The following ZNF750 variants were observed in gnomAD, a reference collection of about 807,000 sequenced individuals.
The protein encoded by ZNF750 is zinc finger protein 750.
In ZNF750, 10 loss-of-function variants were observed where a neutral mutation model predicts 31.6. That is an observed-to-expected ratio of 0.32 (90% confidence interval 0.19 to 0.54). The LOEUF (loss-of-function observed/expected upper bound fraction) is 0.54. ZNF750 is among the 20% of genes least tolerant of loss of function. The pLI is 0.95. For synonymous variants in ZNF750, 400 were observed against 404.9 expected, an observed-to-expected ratio of 0.99 and a Z score of 0.15; for missense variants, 914 against 934.9, an observed-to-expected ratio of 0.98 and a Z score of 0.29.
chr17:82,836,093 A>G (rs1021694433), intron 1 of ZNF750, among the ~76,000 whole-genome samples: 2 of 152,246 alleles, frequency 1.3e-5, no homozygotes, highest in Non-Finnish European at 2.9e-5. Flanking sequence ...TCCCCCTATT[A>G]GAAGAAAGAA....
chr17:82,831,587 G>A lies in ZNF750; in HGVS notation c.868C>T (p.Pro290Ser). The A allele has an allele frequency of 1.2e-6, 2 of 1,614,174 alleles. No individual in the cohort carries two copies. Among genetic ancestry groups the A allele is most frequent in the African/African-American group, 1.3e-5 (1 of 75,036 alleles). ...DPRHFLPHPG[P>S]IPKHLAPSPA... Reference sequence around the variant, plus strand: ...GATGGAGCCAGGTGCTTAGGGATCGGCCCCGGGTGAGGCAGGAAGTGTCTC... The same window carrying A: ...GATGGAGCCAGGTGCTTAGGGATCGACCCCGGGTGAGGCAGGAAGTGTCTC... The change falls in exon 2 of 3, where the codon CCG (proline) becomes TCG (serine). Residue 290 changes from proline to serine, a missense_variant. Pro to Ser is a moderately conservative substitution (Grantham distance 74). Transcript: ENST00000269394. The surrounding 1 kb of genome is among the most constrained non-coding windows in gnomAD (Gnocchi z 4.6).
At chr17:82,838,335 TAAA>T (rs11370957) in intron 1 of ZNF750, among the ~76,000 whole-genome samples, 1 of 149,960 alleles carries the variant, frequency 6.7e-6, no homozygotes, top group African/African-American at 2.5e-5. Context: ...AAAGAGTTCT[TAAA>T]AAAAAAAACT....
chr17:82,834,040 GT>G (rs1251306133), intron 1 of ZNF750, among the ~76,000 whole-genome samples: 1 of 152,156 alleles, frequency 6.6e-6, no homozygotes, highest in Non-Finnish European at 1.5e-5. Flanking sequence ...CGCCTCCTGG[GT>G]TCAAGCGATT....
chr17:82,831,733 T>A lies in ZNF750; in HGVS notation c.722A>T (p.Glu241Val). 6.2e-7 allele frequency: 1 copy of A among 1,614,136 alleles called. No homozygotes were observed. The highest frequency in any genetic ancestry group is 8.5e-7 in the Non-Finnish European group (1 of 1,180,022). ...CTCTGTGTAAAAGTGAGGCGGGTAC[T>A]CTGGGATTGTGGGGTGCATGTAAGG... ...ISPYMHPTIP[E>V]YPPHFYTEHG... Residue 241 changes from glutamate (E) to valine (V), a missense_variant, in exon 2 of 3, where the codon GAG becomes GTG. Physicochemically the swap from Glu to Val is moderately radical, Grantham distance 121. Transcript: ENST00000269394. This position sits in a 1 kb window ranked among gnomAD's most constrained non-coding sequence, Gnocchi z 4.6.
In ZNF750 at chr17:82,832,165, G is replaced by A. The variant is rs757935341; in HGVS notation, c.290C>T (p.Ala97Val). The change falls in exon 2 of 3, where the codon GCC becomes GTC. Residue 97 changes from alanine to valine, a missense_variant. This residue lies in a region of ZNF750 where 880 missense variants were observed against 868.9 expected (regional missense o/e 1.01). Coordinates refer to ENST00000269394, the MANE Select transcript of ZNF750 (RefSeq NM_024702.3). This position sits in a 1 kb window ranked among gnomAD's most constrained non-coding sequence, Gnocchi z 4.9. ...GCTGTGCTGAAGCTTCGAGTCGAAG[G>A]CAGAGAGTCCATTTGCGACAGACTT... ...SSKSVANGLS[A>V]FDSKLQHSSA... 1.2e-6 allele frequency: 2 copies of A among 1,614,264 alleles called. No homozygotes were observed. The highest frequency in any genetic ancestry group is 1.7e-6 in the Non-Finnish European group (2 of 1,180,046).
chr17:82,839,255 T>C lies in ZNF750; in HGVS notation c.-183+672A>G, dbSNP rs140072267. On this transcript the variant is annotated intron_variant, in intron 1 of 2. Transcript: ENST00000269394. ...TAAATTCAGCTGTGTCTAATGTGTA[T>C]ACACCACACATATATATAACCCTAA... 2.4e-3 allele frequency among the ~76,000 whole-genome samples: 367 copies of C among 152,346 alleles called. 2 individuals carry two copies. Among genetic ancestry groups the C allele is most frequent in the Non-Finnish European group, 3.0e-3 (205 of 68,044 alleles).
In ZNF750 at chr17:82,832,356, A is replaced by G. The variant is rs1047446366; in HGVS notation, c.99T>C (p.Thr33=). The change falls in exon 2 of 3, where the codon ACT becomes ACC. Residue 33 remains threonine, a synonymous_variant. Transcript: ENST00000269394. This position sits in a 1 kb window ranked among gnomAD's most constrained non-coding sequence, Gnocchi z 4.9. ...FKYKCFQCPF[T]CNEKSHLFNH... Reference sequence around the variant, plus strand: ...TAAAAAGATGTGACTTCTCATTGCAAGTAAAGGGACATTGGAAACATTTAT... The same window carrying G: ...TAAAAAGATGTGACTTCTCATTGCAGGTAAAGGGACATTGGAAACATTTAT... 1 of 1,614,224 alleles carries G rather than the reference A, an allele frequency of 6.2e-7. No individual in the cohort carries two copies.
At position 82,831,617 on chromosome 17, in the gene ZNF750, C is replaced by T; in HGVS notation, c.838G>A (p.Asp280Asn). The change falls in exon 2 of 3, where the codon GAC (aspartate) becomes AAC (asparagine). Residue 280 changes from aspartate to asparagine, a missense_variant. Transcript: ENST00000269394. This position sits in a 1 kb window ranked among gnomAD's most constrained non-coding sequence, Gnocchi z 4.6. ...GGGTGAGGCAGGAAGTGTCTCGGGTCTTGGGTTCCGTAGACTGACAGCAGG... is the reference window on the plus strand; with the variant it reads ...GGGTGAGGCAGGAAGTGTCTCGGGTTTTGGGTTCCGTAGACTGACAGCAGG... ...APLLSVYGTQDPRHFLPHPGP... is the reference protein window; with the variant it reads ...APLLSVYGTQNPRHFLPHPGP... The T allele has an allele frequency of 6.2e-7, 1 of 1,614,046 alleles. No individual in the cohort carries two copies. Among genetic ancestry groups the T allele is most frequent in the African/African-American group, 1.3e-5 (1 of 74,968 alleles).
In ZNF750 at chr17:82,835,292, G is replaced by A. The variant is rs573491203; in HGVS notation, c.-182-2656C>T. On this transcript the variant is annotated intron_variant, in intron 1 of 2. Coordinates refer to ENST00000269394, the MANE Select transcript of ZNF750 (RefSeq NM_024702.3). This position sits in a 1 kb window ranked among gnomAD's most constrained non-coding sequence, Gnocchi z 4.5. ...GGCGCCACCCCTCCTCCCTGCACCC[G>A]TGTCCTTCCTCCCACACGCCAGGGG... is the stretch of plus-strand genomic sequence containing the variant. Among the ~76,000 whole-genome samples the A allele has an allele frequency of 3.9e-5, 6 of 152,156 alleles. No homozygotes were observed. Among genetic ancestry groups the A allele is most frequent in the Non-Finnish European group, 8.8e-5 (6 of 68,018 alleles).
At position 82,831,375 on chromosome 17, in the gene ZNF750, C is replaced by G; in HGVS notation, c.1080G>C (p.Ser360=). 6 of 1,613,910 alleles carry G rather than the reference C, an allele frequency of 3.7e-6. No individual in the cohort carries two copies. Among genetic ancestry groups the G allele is most frequent in the South Asian group, 1.1e-5 (1 of 91,056 alleles). The change falls in exon 2 of 3, where the codon TCG becomes TCC. Residue 360 remains serine, a synonymous_variant. Transcript: ENST00000269394. This position sits in a 1 kb window ranked among gnomAD's most constrained non-coding sequence, Gnocchi z 4.6. ...LEEATLVYPA[S]SPSRLNPSDP... Reference sequence around the variant, plus strand: ...CCGAAGGGTTTAACCTGGAAGGACTCGAGGCTGGATAGACCAGGGTGGCTT... The same window carrying G: ...CCGAAGGGTTTAACCTGGAAGGACTGGAGGCTGGATAGACCAGGGTGGCTT...
At position 82,831,660 on chromosome 17, in the gene ZNF750, C is replaced by T. The variant is rs375619355; in HGVS notation, c.795G>A (p.Ser265=). ...ACAGCAGGGGTGCGTCACACTCAGG[C>T]GAGCTCCCAGCCAGCAGGTAAGGCG... ...IYSPYLLAGS[S]PECDAPLLSV... The change falls in exon 2 of 3, where the codon TCG becomes TCA. Residue 265 remains serine (S), a synonymous_variant. Transcript: ENST00000269394. The surrounding 1 kb of genome is among the most constrained non-coding windows in gnomAD (Gnocchi z 4.6). 21 of 1,613,970 alleles carry T rather than the reference C, an allele frequency of 1.3e-5. No individual in the cohort carries two copies. The highest frequency in any genetic ancestry group is 4.0e-5 in the African/African-American group (3 of 74,888).
intron 1 of ZNF750, chr17:82,838,896 G>T: frequency 1.0e-6 from 1 of 985,412 alleles, no homozygotes; most frequent in South Asian, 4.7e-5. Context: ...GGTCAGAAAT[G>T]CTGGAAGGCC....
At position 82,830,853 on chromosome 17, in the gene ZNF750, A is replaced by C; in HGVS notation, c.1461T>G (p.Pro487=). The change falls in exon 3 of 3, where the codon CCT becomes CCG. Residue 487 remains proline, a synonymous_variant. Coordinates refer to ENST00000269394, the MANE Select transcript of ZNF750 (RefSeq NM_024702.3). ...GAGAGGCGCTTCCGGTCGGAGCAGG[A>C]GGGTCTCCGTTCACAACATTGAGGC... ...PVSLNVVNGD[P]PAPTGSASLV... The C allele has an allele frequency of 6.2e-7, 1 of 1,612,876 alleles. No homozygotes were observed. Among genetic ancestry groups the C allele is most frequent in the South Asian group, 1.1e-5 (1 of 91,076 alleles).
At chr17:82,834,427 A>G (rs1159691831) in intron 1 of ZNF750, among the ~76,000 whole-genome samples, 1 of 152,232 alleles carries the variant, frequency 6.6e-6, no homozygotes, top group Admixed American at 6.5e-5. Flanking sequence ...TTTAGGGTCT[A>G]AATATTTTCA....
intron 1 of ZNF750, among the ~76,000 whole-genome samples, chr17:82,837,935 A>C (rs1044488762): frequency 1.3e-5 from 2 of 152,242 alleles, no homozygotes; most frequent in African/African-American, 4.8e-5. Context: ...AGTGGCTTCA[A>C]ACATGCTCAG....
Position 82,833,921 on chromosome 17 carries a change from G to A in ZNF750, c.-182-1285C>T, listed in dbSNP as rs892163664. Among the ~76,000 whole-genome samples the A allele has an allele frequency of 3.0e-4, 45 of 151,844 alleles. No homozygotes were observed. The highest frequency in any genetic ancestry group is 9.7e-4 in the African/African-American group (40 of 41,438). On this transcript the variant is annotated intron_variant, in intron 1 of 2. Transcript: ENST00000269394. This position sits in a 1 kb window ranked among gnomAD's most constrained non-coding sequence, Gnocchi z 4.7. ...TCAGGTTTCCTTCAGAGGCTGTGCC[G>A]CACGCCCAAGGCTGAGAACAAAGGC...
chr17:82,836,866 A>C (rs1197069279), intron 1 of ZNF750, among the ~76,000 whole-genome samples: 1 of 152,210 alleles, frequency 6.6e-6, no homozygotes, highest in Admixed American at 6.6e-5. Context: ...TCTGTTTTCT[A>C]GTCAGATTTG....
intron 1 of ZNF750, chr17:82,838,887 G>T (rs779503091): frequency 4.4e-5 from 43 of 985,300 alleles, no homozygotes; most frequent in Non-Finnish European, 4.8e-5. Context: ...TGAAACTCCG[G>T]TCAGAAATGC....
intron 1 of ZNF750, among the ~76,000 whole-genome samples, chr17:82,836,946 G>A (rs1009214462): frequency 6.6e-6 from 1 of 152,204 alleles, no homozygotes; most frequent in Admixed American, 6.5e-5. Flanking sequence ...GGTGGTGAGA[G>A]TGTTTGGAGC....
Sources: allele counts gnomAD v4.1 joint callset (sites outside exome capture counted in the v4.1 genomes callset), GRCh38; gene constraint gnomAD v4.1.1; regional missense constraint gnomAD v4.1.1; non-coding constraint Gnocchi (gnomAD v3.1); transcripts MANE v1.5; gene names NCBI Gene and HGNC (gene_info 2026-07-23, HGNC 2026-07-21).